ADAMTS5: variants seen among roughly 807,000 people sequenced by gnomAD.
The protein encoded by ADAMTS5 is A disintegrin and metalloproteinase with thrombospondin motifs 5.
ADAMTS5 carries 54 observed loss-of-function variants against 81.4 expected under a neutral mutation model. The observed-to-expected ratio is 0.66, with a 90% CI of 0.53 to 0.83. The LOEUF is 0.83. Ranked by LOEUF, ADAMTS5 falls within the 40% of genes least tolerant of loss-of-function variation. The pLI, the probability that ADAMTS5 is intolerant of heterozygous loss-of-function variation, is 0.00. For synonymous variants in ADAMTS5, 532 were observed against 508.8 expected, an observed-to-expected ratio of 1.05 and a Z score of -0.61; for missense variants, 1,194 against 1,229.9, an observed-to-expected ratio of 0.97 and a Z score of 0.44.
intron 1 of ADAMTS5, among the ~76,000 whole-genome samples, chr21:26,960,604 AAG>A (rs1419724292): frequency 2.0e-5 from 3 of 152,188 alleles, no homozygotes; most frequent in Non-Finnish European, 2.9e-5. Context: ...ATAGGACAGG[AAG>A]AGAGCCCTCA....
At chr21:26,954,980 T>C in intron 1 of ADAMTS5, 109 bp from the exon 2 acceptor site, 3 of 1,340,672 alleles carry the variant, frequency 2.2e-6, no homozygotes, top group Non-Finnish European at 3.0e-6. Flanking sequence ...GTTTATGGTA[T>C]CACCTGTTCC....
At chr21:26,927,272 C>T (rs766378142) in intron 7 of ADAMTS5, among the ~76,000 whole-genome samples, 1 of 152,022 alleles carries the variant, frequency 6.6e-6, no homozygotes, top group Non-Finnish European at 1.5e-5. Flanking sequence ...TGTTTTAGTC[C>T]GCTCCCAGCA....
At chr21:26,945,094 G>A (rs529173990) in intron 2 of ADAMTS5, among the ~76,000 whole-genome samples, 125 of 151,692 alleles carry the variant, frequency 8.2e-4, no homozygotes, top group South Asian at 1.7e-3. Flanking sequence ...AATTAGCAGG[G>A]GCTCATCTAA....
intron 2 of ADAMTS5, among the ~76,000 whole-genome samples, 174 bp from the exon 3 acceptor site, chr21:26,943,721 G>T (rs1987159617): frequency 6.6e-6 from 1 of 152,194 alleles, no homozygotes; most frequent in South Asian, 2.1e-4. Context: ...TGGAGTTAGT[G>T]TAGCAGTTGC....
At chr21:26,960,551 A>G (rs1346925765) in intron 1 of ADAMTS5, among the ~76,000 whole-genome samples, 6 of 152,218 alleles carry the variant, frequency 3.9e-5, no homozygotes, top group Non-Finnish European at 5.9e-5. Flanking sequence ...ACTTGCAGGC[A>G]GTGGGAAGGC....
intron 3 of ADAMTS5, among the ~76,000 whole-genome samples, chr21:26,937,923 A>G (rs1329348148): frequency 6.6e-6 from 1 of 152,190 alleles, no homozygotes; most frequent in Non-Finnish European, 1.5e-5. Context: ...TTAACATTGT[A>G]TATTTATAAA....
At chr21:26,947,986 C>T (rs746554641) in intron 2 of ADAMTS5, among the ~76,000 whole-genome samples, 7 of 152,246 alleles carry the variant, frequency 4.6e-5, no homozygotes, top group Admixed American at 2.6e-4. Flanking sequence ...GCAAACAAAT[C>T]GTCACCTGAT....
At chr21:26,924,641 A>G (rs755898861) in intron 7 of ADAMTS5, 21 bp from the exon 8 acceptor site, 1 of 1,569,838 alleles carries the variant, frequency 6.4e-7, no homozygotes, top group South Asian at 1.2e-5. Flanking sequence ...GAATGTTCAC[A>G]GGAAGTGGGG....
At chr21:26,929,770 C>A in intron 7 of ADAMTS5, 116 bp downstream of exon 7, 1 of 992,376 alleles carries the variant, frequency 1.0e-6, no homozygotes, top group South Asian at 2.3e-5. Context: ...TCTAGAGCCA[C>A]GTTAGACCTC....
chr21:26,921,134 C>T lies in ADAMTS5; in HGVS notation c.*2919G>A, dbSNP rs1986686180. The T allele has an allele frequency of 6.6e-6, 1 of 152,228 alleles. No individual in the cohort carries two copies. The highest frequency in any genetic ancestry group is 1.5e-5 in the Non-Finnish European group (1 of 67,896). 9.4% of individuals were successfully genotyped at this position (152,228 alleles called of 1,614,324 possible). ...ATCACACAAATTCACATACCAGTTG[C>T]AAAAACAATAAATTACTTTTTTTCA... On this transcript the variant is annotated 3_prime_UTR_variant, in exon 8 of 8. Transcript: ENST00000284987.
At chr21:26,951,220 T>G (rs1265093891) in intron 2 of ADAMTS5, among the ~76,000 whole-genome samples, 2 of 152,180 alleles carry the variant, frequency 1.3e-5, no homozygotes, top group Admixed American at 6.5e-5. Context: ...GAAGAGTTAT[T>G]CTTGCTCAAA....
chr21:26,958,276 AT>A (rs1339032907), intron 1 of ADAMTS5, among the ~76,000 whole-genome samples: 2 of 152,216 alleles, frequency 1.3e-5, no homozygotes, highest in Non-Finnish European at 2.9e-5. Context: ...AGAACACCTT[AT>A]ATCAGAGTTA....
chr21:26,965,115 G>C (rs1987611869), intron 1 of ADAMTS5, among the ~76,000 whole-genome samples, 173 bp downstream of exon 1: 1 of 152,178 alleles, frequency 6.6e-6, no homozygotes, highest in African/African-American at 2.4e-5. Flanking sequence ...TTTCTGCGGG[G>C]CTAACGTGAA....
At chr21:26,942,807 C>T (rs1687262607) in intron 3 of ADAMTS5, among the ~76,000 whole-genome samples, 1 of 152,146 alleles carries the variant, frequency 6.6e-6, no homozygotes. Context: ...AGTGTTTTCC[C>T]ATCATTCAGA....
intron 2 of ADAMTS5, among the ~76,000 whole-genome samples, chr21:26,952,412 C>T (rs1987337134): frequency 6.6e-6 from 1 of 152,214 alleles, no homozygotes; most frequent in Admixed American, 6.5e-5. Context: ...GGCTTCCTGC[C>T]TCTCAGACTG....
At chr21:26,963,317 G>T (rs1987565656) in intron 1 of ADAMTS5, among the ~76,000 whole-genome samples, 1 of 151,796 alleles carries the variant, frequency 6.6e-6, no homozygotes, top group Non-Finnish European at 1.5e-5. Flanking sequence ...AACAAATTCG[G>T]AAAAAGTAAT....
At chr21:26,935,763 CTG>C (rs1387173845) in intron 3 of ADAMTS5, among the ~76,000 whole-genome samples, 2 of 152,160 alleles carry the variant, frequency 1.3e-5, no homozygotes, top group Non-Finnish European at 2.9e-5. Context: ...CTAAGAATCC[CTG>C]TCCGGTGAGT....
intron 6 of ADAMTS5, 138 bp from the exon 7 acceptor site, chr21:26,930,199 A>T (rs1986882197): frequency 3.7e-6 from 3 of 816,868 alleles, no homozygotes; most frequent in Non-Finnish European, 5.4e-6. Context: ...AAAAGCCAAA[A>T]AAACATAGTT....
intron 1 of ADAMTS5, among the ~76,000 whole-genome samples, chr21:26,959,110 A>T (rs1987479873): frequency 6.6e-6 from 1 of 152,196 alleles, no homozygotes; most frequent in South Asian, 2.1e-4. Flanking sequence ...AAGAAGGGGA[A>T]GAAGAGATGG....
Sources: gnomAD v4.1 joint callset for allele counts (sites outside exome capture counted in the v4.1 genomes callset) on GRCh38, gnomAD v4.1.1 for gene constraint, MANE v1.5 for transcripts, NCBI Gene and HGNC (gene_info 2026-07-23, HGNC 2026-07-21) for gene names.